NKAIN3: variants seen among roughly 807,000 people sequenced by gnomAD.
NKAIN3 encodes the protein sodium/potassium-transporting ATPase subunit beta-1-interacting protein 3.
In NKAIN3, 25 loss-of-function variants were observed where a neutral mutation model predicts 30.2. The observed-to-expected ratio is 0.83, with a 90% CI of 0.60 to 1.16. The LOEUF is 1.16. NKAIN3 is among the 50% of genes most tolerant of loss of function. NKAIN3 has a pLI of 0.00. For synonymous variants in NKAIN3, 91 were observed against 89.6 expected (o/e 1.02, Z -0.09); for missense variants, 225 against 254.1 (o/e 0.89, Z 0.78).
At chr8:62,886,180 C>T (rs1821141941) in intron 4 of NKAIN3, among the ~76,000 whole-genome samples, 1 of 151,520 alleles carries the variant, frequency 6.6e-6, no homozygotes, top group African/African-American at 2.4e-5. Flanking sequence ...TTAGTGATTG[C>T]CCTAGACTTT....
At position 62,678,208 on chromosome 8, in the gene NKAIN3, C is replaced by T. The variant is rs571983559; in HGVS notation, c.274-68724C>T. 3.9e-5 allele frequency among the ~76,000 whole-genome samples: 6 copies of T among 152,266 alleles called. No individual in the cohort carries two copies. In the South Asian group the frequency reaches 1.2e-3, roughly 32 times the overall value. On this transcript the variant is annotated intron_variant, in intron 3 of 6. Coordinates refer to ENST00000623646, the MANE Select transcript of NKAIN3 (RefSeq NM_001304533.3). ...TCTCTTCTCATTTCCTTTAATGCTT[C>T]TTCTGTGCCTTTGCTAAGATGTTTA...
chr8:62,355,426 A>G (rs1432708455), intron 1 of NKAIN3, among the ~76,000 whole-genome samples: 2 of 152,090 alleles, frequency 1.3e-5, no homozygotes, highest in African/African-American at 2.4e-5. Context: ...TTTACCTTGG[A>G]TAGAATGTGG....
intron 4 of NKAIN3, among the ~76,000 whole-genome samples, chr8:62,902,439 C>T (rs762094577): frequency 5.3e-5 from 8 of 152,166 alleles, no homozygotes; most frequent in Non-Finnish European, 8.8e-5. Flanking sequence ...CCAACTTTTA[C>T]TCCAGTTTCT....
At chr8:62,480,453 C>T (rs1806679507) in intron 1 of NKAIN3, among the ~76,000 whole-genome samples, 1 of 147,788 alleles carries the variant, frequency 6.8e-6, no homozygotes, top group South Asian at 2.1e-4. Context: ...TGCCATGTTA[C>T]AGTATTTTCA....
intron 3 of NKAIN3, among the ~76,000 whole-genome samples, chr8:62,604,363 A>G (rs1381312260): frequency 2.0e-5 from 3 of 152,164 alleles, no homozygotes; most frequent in Non-Finnish European, 4.4e-5. Context: ...ACAGTAGGAC[A>G]GGAAAAATAC....
intron 3 of NKAIN3, among the ~76,000 whole-genome samples, chr8:62,667,798 C>T (rs1287114538): frequency 2.0e-5 from 3 of 152,164 alleles, no homozygotes; most frequent in African/African-American, 7.2e-5. Flanking sequence ...CCTTTACCGC[C>T]TCACATGATA....
chr8:62,439,402 C>T (rs1563399378), intron 1 of NKAIN3, among the ~76,000 whole-genome samples: 1 of 152,194 alleles, frequency 6.6e-6, no homozygotes, highest in Non-Finnish European at 1.5e-5. Flanking sequence ...CCAGCCAACC[C>T]ATGCTTTTCT....
chr8:62,653,119 T>G (rs1812672812), intron 3 of NKAIN3, among the ~76,000 whole-genome samples: 1 of 152,168 alleles, frequency 6.6e-6, no homozygotes, highest in South Asian at 2.1e-4. Context: ...CAGCTCAGGC[T>G]GCCATAACAA....
At chr8:62,610,143 C>T (rs1397604847) in intron 3 of NKAIN3, among the ~76,000 whole-genome samples, 2 of 151,784 alleles carry the variant, frequency 1.3e-5, no homozygotes, top group Admixed American at 6.6e-5. Flanking sequence ...GTCAGGAGTT[C>T]GAGACCAGCC....
intron 1 of NKAIN3, among the ~76,000 whole-genome samples, chr8:62,466,486 A>G (rs1244508980): frequency 6.6e-6 from 1 of 152,210 alleles, no homozygotes; most frequent in African/African-American, 2.4e-5. Flanking sequence ...AGCCATATGC[A>G]TCTGGGTTAA....
intron 1 of NKAIN3, among the ~76,000 whole-genome samples, chr8:62,307,386 A>G (rs1365994474): frequency 1.4e-5 from 2 of 147,342 alleles, no homozygotes; most frequent in Non-Finnish European, 3.0e-5. Context: ...CCTTCTCTTT[A>G]TCCCCTCCTC....
intron 3 of NKAIN3, among the ~76,000 whole-genome samples, chr8:62,666,488 G>A (rs1396744832): frequency 6.6e-6 from 1 of 152,104 alleles, no homozygotes; most frequent in Non-Finnish European, 1.5e-5. Flanking sequence ...ATTGGGCAGT[G>A]CATTTATGAA....
At chr8:62,508,875 C>T (rs1443396576) in intron 1 of NKAIN3, among the ~76,000 whole-genome samples, 1 of 133,076 alleles carries the variant, frequency 7.5e-6, no homozygotes, top group Non-Finnish European at 1.6e-5. Flanking sequence ...GTCAGGGTAC[C>T]CATATAACAA....
At chr8:62,325,198 C>T (rs531414565) in intron 1 of NKAIN3, among the ~76,000 whole-genome samples, 1 of 152,154 alleles carries the variant, frequency 6.6e-6, no homozygotes, top group African/African-American at 2.4e-5. Flanking sequence ...ATCCTCATAG[C>T]TTAACTTCCA....
intron 1 of NKAIN3, among the ~76,000 whole-genome samples, chr8:62,289,723 T>C (rs7002109): frequency 0.062 from 9,453 of 152,134 alleles, 977 homozygotes; most frequent in African/African-American, 0.21. Flanking sequence ...CTTGGCAATG[T>C]GGGCTATTTT....
rs560841604 is a variant in NKAIN3, at chr8:62,325,089, A to G, written c.54+75962A>G. 8.5e-5 allele frequency among the ~76,000 whole-genome samples: 13 copies of G among 152,206 alleles called. No individual in the cohort carries two copies. In the East Asian group the frequency reaches 2.5e-3, roughly 29 times the overall value. ...TTTTTGTGCACCTGTCACCCAAACC[A>G]TGTACACTGTATCCAATAGGTAGTC... On this transcript the variant is annotated intron_variant, in intron 1 of 6. Transcript: ENST00000623646.
At chr8:62,683,521 T>C (rs1813710201) in intron 3 of NKAIN3, among the ~76,000 whole-genome samples, 1 of 152,200 alleles carries the variant, frequency 6.6e-6, no homozygotes, top group Admixed American at 6.5e-5. Flanking sequence ...TCATAATGTG[T>C]TAGGGTATAA....
intron 1 of NKAIN3, among the ~76,000 whole-genome samples, chr8:62,257,685 T>C (rs1473673397): frequency 6.6e-6 from 1 of 152,222 alleles, no homozygotes; most frequent in African/African-American, 2.4e-5. Context: ...CACATATTCA[T>C]ACCCTTGAAC....
chr8:62,406,336 A>G (rs185919990), intron 1 of NKAIN3, among the ~76,000 whole-genome samples: 194 of 152,308 alleles, frequency 1.3e-3, no homozygotes, highest in African/African-American at 4.6e-3. Flanking sequence ...CTATGTATGT[A>G]AGCTCTTAAG....
Sources: allele counts gnomAD v4.1 joint callset (sites outside exome capture counted in the v4.1 genomes callset), GRCh38; gene constraint gnomAD v4.1.1; transcripts MANE v1.5; gene names NCBI Gene and HGNC (gene_info 2026-07-23, HGNC 2026-07-21).